DOCK5: variants seen among roughly 807,000 people sequenced by gnomAD.
DOCK5 encodes the protein dedicator of cytokinesis protein 5.
Under a neutral mutation model 251.8 loss-of-function variants are expected in DOCK5, and 142 were observed. That is an observed-to-expected ratio of 0.56 (90% CI 0.49 to 0.65). The LOEUF is 0.65. DOCK5 is among the 30% of genes least tolerant of loss of function. DOCK5 has a pLI of 0.00. For synonymous variants in DOCK5, 842 were observed against 835.5 expected, an observed-to-expected ratio of 1.01 and a Z score of -0.13; for missense variants, 2,111 against 2,312.3, an observed-to-expected ratio of 0.91 and a Z score of 1.79.
chr8:25,400,904 A>G (rs1350315088), intron 46 of DOCK5, 25 bp from the exon 47 acceptor site: 2 of 1,613,410 alleles, frequency 1.2e-6, no homozygotes, highest in South Asian at 2.2e-5. Flanking sequence ...AGCACACTGC[A>G]CTCATTTTTT....
chr8:25,271,944 C>T (rs959152836), intron 3 of DOCK5, among the ~76,000 whole-genome samples: 34 of 152,170 alleles, frequency 2.2e-4, no homozygotes, highest in African/African-American at 8.0e-4. Flanking sequence ...CTACTGATGA[C>T]AAATACACAC....
chr8:25,324,265 T>C (rs1201829667), intron 17 of DOCK5, among the ~76,000 whole-genome samples: 1 of 152,208 alleles, frequency 6.6e-6, no homozygotes, highest in Non-Finnish European at 1.5e-5. Context: ...CATGATCTGC[T>C]CTTTTCATCA....
At chr8:25,392,384 G>A (rs1022345017) in intron 43 of DOCK5, among the ~76,000 whole-genome samples, 16 of 151,362 alleles carry the variant, frequency 1.1e-4, no homozygotes, top group Non-Finnish European at 1.3e-4. Context: ...CAGGAGAAAC[G>A]ATGGCACCCC....
Position 25,298,976 on chromosome 8 carries a change from G to A in DOCK5, c.639G>A (p.Gln213=). 1 of 1,613,386 alleles carries A rather than the reference G, an allele frequency of 6.2e-7. No individual in the cohort carries two copies. Among genetic ancestry groups the A allele is most frequent in the Non-Finnish European group, 8.5e-7 (1 of 1,179,676 alleles). The change falls in exon 8 of 52, where the codon CAG becomes CAA. Residue 213 remains glutamine, a synonymous_variant. Coordinates refer to ENST00000276440, the MANE Select transcript of DOCK5 (RefSeq NM_024940.8). The part of the protein sequence containing the change: ...SILQNLDLRG[Q]SIFSTIHTYG... Reference sequence around the variant, plus strand: ...TGCAGAACCTCGATTTGCGGGGCCAGTCCATCTTCAGTACCATCCACACCT... The same window carrying A: ...TGCAGAACCTCGATTTGCGGGGCCAATCCATCTTCAGTACCATCCACACCT...
rs1356080312 is a variant in DOCK5, at chr8:25,317,133, T to TGC, written c.1443+6_1443+7dup. 6.2e-7 allele frequency: 1 copy of TGC among 1,612,208 alleles called. No individual in the cohort carries two copies. Among genetic ancestry groups the TGC allele is most frequent in the Admixed American group, 1.7e-5 (1 of 59,942 alleles). ...GATGAGGAGGGCAAGCTCTTGGAGG[T>TGC]GCGCGGCATGGCCCAGAAATCCTGC... On this transcript the variant is annotated splice_region_variant and intron_variant, in intron 14 of 51. Transcript: ENST00000276440.
chr8:25,408,043 G>C lies in DOCK5; in HGVS notation c.5154G>C (p.Leu1718=), dbSNP rs565415986. The C allele has an allele frequency of 6.2e-7, 1 of 1,611,608 alleles. No individual in the cohort carries two copies. The highest frequency in any genetic ancestry group is 1.7e-5 in the Admixed American group (1 of 59,742). The change falls in exon 49 of 52, where the codon CTG becomes CTC. Residue 1718 remains leucine (L), a synonymous_variant. Transcript: ENST00000276440. ...RASSGARVED[L]SLREENSENR... ...CGTCAGGTGCCAGAGTTGAAGATCTGTCCCTTAGAGAGGAGAACAGCGAGA... is the reference window on the plus strand; with the variant it reads ...CGTCAGGTGCCAGAGTTGAAGATCTCTCCCTTAGAGAGGAGAACAGCGAGA...
intron 2 of DOCK5, among the ~76,000 whole-genome samples, chr8:25,265,667 A>G (rs1260568203): frequency 6.6e-6 from 1 of 151,690 alleles, no homozygotes; most frequent in Non-Finnish European, 1.5e-5. Context: ...CTTGCTTTCC[A>G]TTATGTCATG....
intron 39 of DOCK5, among the ~76,000 whole-genome samples, chr8:25,382,413 G>A (rs73674765): frequency 0.017 from 2,578 of 152,278 alleles, 71 homozygotes; most frequent in African/African-American, 0.058. Flanking sequence ...GCACTGCCCC[G>A]TTACGCAGAA....
intron 13 of DOCK5, among the ~76,000 whole-genome samples, chr8:25,314,305 G>C (rs1222766845): frequency 1.4e-5 from 2 of 146,454 alleles, no homozygotes; most frequent in East Asian, 4.0e-4. Flanking sequence ...TTTTTGTAGA[G>C]ATCAAGTTTC....
In DOCK5 at chr8:25,407,996, C is replaced by G. The variant is rs777412384; in HGVS notation, c.5107C>G (p.Pro1703Ala). ...CCTGGCCAATAGCTCAATCTTGGAG[C>G]CACTTTTGGAGCGCAGGGCCTCGTC... is the stretch of plus-strand genomic sequence containing the variant. ...RPGSDGSILE[P>A]LLERRASSGA... The change falls in exon 49 of 52, where the codon CCA (proline) becomes GCA (alanine). Residue 1703 changes from proline to alanine, a missense_variant. Coordinates refer to ENST00000276440, the MANE Select transcript of DOCK5 (RefSeq NM_024940.8). The G allele has an allele frequency of 6.2e-7, 1 of 1,611,774 alleles. No individual in the cohort carries two copies. The highest frequency in any genetic ancestry group is 8.5e-7 in the Non-Finnish European group (1 of 1,179,080).
intron 1 of DOCK5, among the ~76,000 whole-genome samples, chr8:25,216,177 C>CAATGTATATATGTATACAATATGTGT (rs1563311085): frequency 6.2e-4 from 67 of 107,360 alleles, no homozygotes; most frequent in African/African-American, 2.1e-3. Context: ...ACAATATGTG[C>CAATGTATATATGTATACAATATGTGT]ATACAATATG....
chr8:25,185,076 C>A, intron 1 of DOCK5, 125 bp downstream of exon 1: 1 of 1,112,032 alleles, frequency 9.0e-7, no homozygotes, highest in Non-Finnish European at 1.2e-6. Context: ...GGCTGCGCAG[C>A]TCTGGGAGCC....
At chr8:25,237,036 A>G (rs1158017272) in intron 1 of DOCK5, among the ~76,000 whole-genome samples, 2 of 152,146 alleles carry the variant, frequency 1.3e-5, no homozygotes, top group African/African-American at 4.8e-5. Flanking sequence ...GGGGATTGTA[A>G]TTTGAGGATT....
chr8:25,202,685 G>T (rs1464029636), intron 1 of DOCK5, among the ~76,000 whole-genome samples: 3 of 152,128 alleles, frequency 2.0e-5, no homozygotes, highest in African/African-American at 7.2e-5. Flanking sequence ...TATATACAAT[G>T]CTGCTTCTAT....
At chr8:25,397,832 C>A (rs753584863) in intron 45 of DOCK5, among the ~76,000 whole-genome samples, 40 of 151,546 alleles carry the variant, frequency 2.6e-4, no homozygotes, top group Non-Finnish European at 4.0e-4. Flanking sequence ...AGGATAAATA[C>A]ATACATACAT....
chr8:25,305,635 A>G (rs1034530242), intron 11 of DOCK5, among the ~76,000 whole-genome samples: 2 of 152,220 alleles, frequency 1.3e-5, no homozygotes, highest in Non-Finnish European at 2.9e-5. Context: ...GAAATTAATA[A>G]GGACATGAAG....
chr8:25,270,813 A>G, intron 3 of DOCK5: 1 of 713,418 alleles, frequency 1.4e-6, no homozygotes, highest in Non-Finnish European at 2.6e-6. Flanking sequence ...GGACCCCCAC[A>G]ATACCGAAAT....
chr8:25,232,366 G>T (rs1172063885), intron 1 of DOCK5, among the ~76,000 whole-genome samples: 1 of 152,172 alleles, frequency 6.6e-6, no homozygotes, highest in East Asian at 1.9e-4. Context: ...GCTTTGTTAT[G>T]CAGGACCAAC....
At chr8:25,298,851 C>T in intron 7 of DOCK5, 93 bp from the exon 8 acceptor site, 10 of 1,363,766 alleles carry the variant, frequency 7.3e-6, no homozygotes, top group Non-Finnish European at 9.8e-6. Context: ...CTTTGTCTGC[C>T]ATTTGCAGGC....
Sources: gnomAD v4.1 joint callset for allele counts (sites outside exome capture counted in the v4.1 genomes callset) on GRCh38, gnomAD v4.1.1 for gene constraint, MANE v1.5 for transcripts, NCBI Gene and HGNC (gene_info 2026-07-23, HGNC 2026-07-21) for gene names.